Variants in GLRA2 observed in about 807,000 individuals in gnomAD.
The protein encoded by GLRA2 is glycine receptor alpha 2, also known as glycine receptor subunit alpha-2.
A neutral mutation model predicts 31.6 loss-of-function variants in GLRA2; 11 were observed. The observed-to-expected ratio is 0.35, with a 90% CI of 0.22 to 0.58. The LOEUF (loss-of-function observed/expected upper bound fraction) is 0.58. Among genes scored for constraint, GLRA2 ranks in the 20% least tolerant of loss-of-function variants. GLRA2 has a pLI of 0.84. For missense variants in GLRA2, 212 were observed against 351.8 expected (o/e 0.60, Z 3.18); for synonymous variants, 132 against 134.0 (o/e 0.99, Z 0.10).
intron 3 of GLRA2, chrX:14,574,709 T>TATA: frequency 2.1e-6 from 1 of 468,846 alleles, no homozygotes; most frequent in East Asian, 3.5e-5. Context: ...CTTTATTTTG[T>TATA]AAAGTCATTT....
rs1210307319 is a variant in GLRA2 at position 14,731,202 on chromosome X, G to T, written c.*717G>T. 8.9e-6 allele frequency: 1 copy of T among 111,889 alleles called. No homozygotes were observed. Among genetic ancestry groups the T allele is most frequent in the Non-Finnish European group, 1.9e-5 (1 of 53,152 alleles). 9.2% of individuals were successfully genotyped at this position (111,889 alleles called of 1,213,427 possible). A position where few individuals can be genotyped will look rare whatever the true frequency, so the allele number is the denominator to read the frequency against. ...AATTTCTACTTTACTGTCCATATAGGTGTGCATTTTAATATTTTTCTTTCC... is the reference window on the plus strand; with the variant it reads ...AATTTCTACTTTACTGTCCATATAGTTGTGCATTTTAATATTTTTCTTTCC... On this transcript the variant is annotated 3_prime_UTR_variant, in exon 9 of 9. Coordinates refer to ENST00000218075, the MANE Select transcript of GLRA2 (RefSeq NM_002063.4).
At chrX:14,697,978 A>C (rs999135867) in intron 8 of GLRA2, among the ~76,000 whole-genome samples, 1 of 111,756 alleles carries the variant, frequency 8.9e-6, no homozygotes, top group African/African-American at 3.3e-5. Context: ...CCACTATCAA[A>C]ATTGTCCTTG....
rs750555254 is a variant in GLRA2 at position 14,555,586 on chromosome X, G to T, written c.203-18747G>T. 1.3e-4 allele frequency among the ~76,000 whole-genome samples: 15 copies of T among 111,924 alleles called. No homozygotes were observed. The South Asian group carries it at 5.3e-3, about 39-fold the overall frequency. ...TGGTATCGAAGAAGCATGTAGCAGT[G>T]TTTCTCATTGGTGATTGTCATATTT... is the stretch of plus-strand genomic sequence containing the variant. On this transcript the variant is annotated intron_variant, in intron 2 of 8. Transcript: ENST00000218075.
the GLRA2 span, among the ~76,000 whole-genome samples, chrX:14,490,678 C>G: frequency 5.7e-4 from 64 of 111,700 alleles, 2 homozygotes; most frequent in South Asian, 0.023. Flanking sequence ...ATGAAACAAA[C>G]AAACAATGAA....
At chrX:14,583,076 T>A (rs773868038) in intron 4 of GLRA2, among the ~76,000 whole-genome samples, 2 of 111,090 alleles carry the variant, frequency 1.8e-5, no homozygotes, top group Admixed American at 9.6e-5. Context: ...ATGCTCAACA[T>A]CTCTAATCAT....
intron 7 of GLRA2, among the ~76,000 whole-genome samples, chrX:14,621,075 G>A (rs1342243976): frequency 2.7e-5 from 3 of 111,644 alleles, no homozygotes; most frequent in East Asian, 2.8e-4. Flanking sequence ...TGCATGACCC[G>A]TATGACTTAA....
rs1166440848 is a variant in GLRA2, at chrX:14,681,985, TTATA to T, written c.931-8721_931-8718del. ...TATATTTATGTGTGTATATATGTAT[TTATA>T]TATGTATGTGTGTGTGTGTGTGTAT... On this transcript the variant is annotated intron_variant, in intron 7 of 8. Coordinates refer to ENST00000218075, the MANE Select transcript of GLRA2 (RefSeq NM_002063.4). Among the ~76,000 whole-genome samples, 5 of 82,740 alleles carry T rather than the reference TTATA, an allele frequency of 6.0e-5. No homozygotes were observed. In the East Asian group the frequency reaches 1.2e-3, roughly 20 times the overall value. 71.8% of individuals were successfully genotyped at this position (82,740 alleles called of 115,157 possible).
At chrX:14,637,560 C>T (rs1423450971) in intron 7 of GLRA2, among the ~76,000 whole-genome samples, 1 of 111,963 alleles carries the variant, frequency 8.9e-6, no homozygotes, top group Non-Finnish European at 1.9e-5. Context: ...AAAAGGTTTC[C>T]CACAGCTCAT....
At chrX:14,550,497 A>C (rs758522322) in intron 2 of GLRA2, among the ~76,000 whole-genome samples, 1 of 110,415 alleles carries the variant, frequency 9.1e-6, no homozygotes, top group East Asian at 2.9e-4. Context: ...ATAAGTTCAC[A>C]TCCAATGATC....
chrX:14,458,634 A>G, the GLRA2 span, among the ~76,000 whole-genome samples: 1 of 112,293 alleles, frequency 8.9e-6, no homozygotes, highest in Non-Finnish European at 1.9e-5. Context: ...GATGATGAGC[A>G]GTTTTTCATC....
intron 8 of GLRA2, 79 bp from the exon 9 acceptor site, chrX:14,730,128 A>T: frequency 1.3e-6 from 1 of 746,799 alleles, no homozygotes; most frequent in Non-Finnish European, 2.0e-6. Flanking sequence ...TTATCCTTTT[A>T]CTTCTAAAGA....
chrX:14,571,318 C>T (rs2089879994), intron 2 of GLRA2, among the ~76,000 whole-genome samples: 1 of 111,814 alleles, frequency 8.9e-6, no homozygotes, highest in Admixed American at 9.5e-5. Context: ...ATCAGAACAC[C>T]TGAGCAGACT....
chrX:14,615,106 T>C (rs1357572387), intron 7 of GLRA2, among the ~76,000 whole-genome samples: 1 of 111,744 alleles, frequency 8.9e-6, no homozygotes, highest in Non-Finnish European at 1.9e-5. Flanking sequence ...CTGTTACACA[T>C]ATAAATATAC....
intron 7 of GLRA2, among the ~76,000 whole-genome samples, chrX:14,640,524 C>A (rs2090761675): frequency 9.0e-6 from 1 of 111,163 alleles, no homozygotes; most frequent in South Asian, 3.7e-4. Flanking sequence ...GGGTACAATT[C>A]ATAAATTTTT....
At chrX:14,623,707 T>C (rs2090550291) in intron 7 of GLRA2, among the ~76,000 whole-genome samples, 1 of 111,605 alleles carries the variant, frequency 9.0e-6, no homozygotes, top group Non-Finnish European at 1.9e-5. Flanking sequence ...GCCCACTTGA[T>C]CATGGTGGAT....
chrX:14,667,908 TACA>T (rs2091051257), intron 7 of GLRA2, among the ~76,000 whole-genome samples: 1 of 112,136 alleles, frequency 8.9e-6, no homozygotes, highest in East Asian at 2.8e-4. Flanking sequence ...ATTTTAATCT[TACA>T]GTTTTTATGA....
At chrX:14,467,402 C>T in the GLRA2 span, among the ~76,000 whole-genome samples, 4 of 111,869 alleles carry the variant, frequency 3.6e-5, no homozygotes, top group Non-Finnish European at 7.5e-5. Context: ...CCCAAAGTAA[C>T]GTCCACAGAC....
At chrX:14,570,243 CAAAT>C (rs937146415) in intron 2 of GLRA2, among the ~76,000 whole-genome samples, 13 of 111,656 alleles carry the variant, frequency 1.2e-4, no homozygotes, top group African/African-American at 4.2e-4. Context: ...TTATATAAAA[CAAAT>C]AACATGTGTT....
At chrX:14,553,461 T>G (rs910533674) in intron 2 of GLRA2, among the ~76,000 whole-genome samples, 1 of 111,934 alleles carries the variant, frequency 8.9e-6, no homozygotes, top group Non-Finnish European at 1.9e-5. Context: ...ACTATTGTTA[T>G]TATCACATGA....
Sources: gnomAD v4.1 joint callset for allele counts (sites outside exome capture counted in the v4.1 genomes callset) on GRCh38, gnomAD v4.1.1 for gene constraint, MANE v1.5 for transcripts, NCBI Gene and HGNC (gene_info 2026-07-23, HGNC 2026-07-21) for gene names.